MYO5A: variants seen among roughly 807,000 people sequenced by gnomAD.
MYO5A encodes the protein unconventional myosin-Va.
A neutral mutation model predicts 249.7 loss-of-function variants in MYO5A; 98 were observed. The observed-to-expected ratio is 0.39, with a 90% CI of 0.33 to 0.46. The LOEUF (loss-of-function observed/expected upper bound fraction) is 0.46. MYO5A is among the 20% of genes least tolerant of loss of function. The pLI, the probability that MYO5A is intolerant of heterozygous loss-of-function variation, is 0.98. For synonymous variants in MYO5A, 778 were observed against 810.6 expected (o/e 0.96, Z 0.68); for missense variants, 1,696 against 2,308.8 (o/e 0.73, Z 5.44).
At chr15:52,475,594 T>C (rs2076575416) in intron 1 of MYO5A, among the ~76,000 whole-genome samples, 1 of 152,236 alleles carries the variant, frequency 6.6e-6, no homozygotes, top group African/African-American at 2.4e-5. Context: ...TGTGTCTTTG[T>C]TCTCATTGGT....
intron 9 of MYO5A, among the ~76,000 whole-genome samples, chr15:52,398,572 T>C (rs1449246201): frequency 6.6e-6 from 1 of 152,204 alleles, no homozygotes; most frequent in Non-Finnish European, 1.5e-5. Context: ...CAAGCACCCC[T>C]TCCTTCTTTC....
chr15:52,410,632 G>A (rs1165412158), intron 5 of MYO5A, among the ~76,000 whole-genome samples, 156 bp from the exon 6 acceptor site: 1 of 149,026 alleles, frequency 6.7e-6, no homozygotes, highest in Non-Finnish European at 1.5e-5. Context: ...CTGTCACTAG[G>A]CTGGAGTGCA....
intron 1 of MYO5A, among the ~76,000 whole-genome samples, chr15:52,473,870 T>C (rs1751862227): frequency 6.6e-6 from 1 of 152,218 alleles, no homozygotes; most frequent in Admixed American, 6.5e-5. Context: ...GTCTTGGCAA[T>C]GTGGGCTCTT....
chr15:52,409,366 A>G (rs1219864536), intron 6 of MYO5A, among the ~76,000 whole-genome samples: 8 of 152,282 alleles, frequency 5.3e-5, no homozygotes, highest in African/African-American at 1.9e-4. Context: ...AAAAAAACCT[A>G]TAGAAATAGC....
intron 25 of MYO5A, among the ~76,000 whole-genome samples, chr15:52,357,623 G>T (rs775020921): frequency 6.6e-6 from 1 of 152,102 alleles, no homozygotes; most frequent in East Asian, 1.9e-4. Flanking sequence ...AAAATGACTC[G>T]AGGCATAAAG....
chr15:52,482,287 T>C (rs890880252), intron 1 of MYO5A, among the ~76,000 whole-genome samples: 4 of 152,214 alleles, frequency 2.6e-5, no homozygotes, highest in Non-Finnish European at 5.9e-5. Context: ...ACCTTCTTCA[T>C]GGCATCATGT....
intron 1 of MYO5A, among the ~76,000 whole-genome samples, chr15:52,515,054 G>A (rs982415834): frequency 6.6e-6 from 1 of 152,082 alleles, no homozygotes; most frequent in Non-Finnish European, 1.5e-5. Flanking sequence ...AGGGTGGGAG[G>A]ATCACTTGAG....
At chr15:52,505,296 A>C (rs1313343507) in intron 1 of MYO5A, 6 of 776,820 alleles carry the variant, frequency 7.7e-6, no homozygotes, top group Non-Finnish European at 1.4e-5. Context: ...CAGATGTGGC[A>C]GTATTTGAAG....
intron 1 of MYO5A, among the ~76,000 whole-genome samples, chr15:52,449,636 T>C (rs774232688): frequency 6.6e-6 from 1 of 152,202 alleles, no homozygotes; most frequent in Admixed American, 6.5e-5. Flanking sequence ...ACCTTCTCTA[T>C]CCTATCTGTA....
chr15:52,474,443 G>C (rs2076545962), intron 1 of MYO5A, among the ~76,000 whole-genome samples: 1 of 152,162 alleles, frequency 6.6e-6, no homozygotes, highest in African/African-American at 2.4e-5. Context: ...GGAGTGGTGA[G>C]AGAGGGCATC....
chr15:52,405,249 T>C, intron 9 of MYO5A, 38 bp downstream of exon 9: 1 of 1,420,936 alleles, frequency 7.0e-7, no homozygotes, highest in East Asian at 2.3e-5. Flanking sequence ...TAAAACATAA[T>C]TCAACTGCCA....
intron 1 of MYO5A, among the ~76,000 whole-genome samples, chr15:52,501,184 G>A (rs1306401967): frequency 6.6e-6 from 1 of 152,022 alleles, no homozygotes; most frequent in Admixed American, 6.5e-5. Context: ...TGTTAGCCAG[G>A]ATGGTCTCCA....
intron 1 of MYO5A, among the ~76,000 whole-genome samples, chr15:52,517,877 G>T (rs2077526566): frequency 6.6e-6 from 1 of 151,562 alleles, no homozygotes; most frequent in Non-Finnish European, 1.5e-5. Flanking sequence ...TTTCTAGGTG[G>T]TATAATTAGT....
chr15:52,456,303 G>C (rs181154222), intron 1 of MYO5A, among the ~76,000 whole-genome samples: 2 of 152,032 alleles, frequency 1.3e-5, no homozygotes, highest in African/African-American at 4.8e-5. Flanking sequence ...ACTGATGAAA[G>C]AAATTAAAGA....
At position 52,392,014 on chromosome 15, in the gene MYO5A, G is replaced by A. The variant is rs1265524213; in HGVS notation, c.1458C>T (p.Leu486=). ...AAGGCTGATTATCATAAAAATCTATGAGTGTCCATGGAATTTGTTCCTTCA... is the reference window on the plus strand; with the variant it reads ...AAGGCTGATTATCATAAAAATCTATAAGTGTCCATGGAATTTGTTCCTTCA... The part of the protein sequence containing the change: ...EYMKEQIPWT[L]IDFYDNQPCI... The change falls in exon 12 of 42, where the codon CTC becomes CTT. Residue 486 remains leucine, a synonymous_variant. Transcript: ENST00000399233. 1 of 1,611,246 alleles carries A rather than the reference G, an allele frequency of 6.2e-7. No individual in the cohort carries two copies. Among genetic ancestry groups the A allele is most frequent in the Non-Finnish European group, 8.5e-7 (1 of 1,178,016 alleles).
rs781651583 is a variant in MYO5A, at chr15:52,379,702, G to A, written c.2131C>T (p.Arg711Cys). The change falls in exon 18 of 42, where the codon CGT becomes TGT. Residue 711 changes from arginine to cysteine, a missense_variant. Arg to Cys is a radical substitution (Grantham distance 180). Coordinates refer to ENST00000399233, the MANE Select transcript of MYO5A (RefSeq NM_001382347.1). ...ACATCTTTCTGCTTCATTAGGACAC[G>A]GTAGCGGCTGAAAAATTCTTGGTAA... ...WTYQEFFSRY[R>C]VLMKQKDVLS... 7 of 1,614,112 alleles carry A rather than the reference G, an allele frequency of 4.3e-6. No homozygotes were observed. The highest frequency in any genetic ancestry group is 1.1e-5 in the South Asian group (1 of 91,078).
chr15:52,481,458 G>C (rs1025653474), intron 1 of MYO5A, among the ~76,000 whole-genome samples: 1 of 152,156 alleles, frequency 6.6e-6, no homozygotes, highest in Non-Finnish European at 1.5e-5. Flanking sequence ...TTCCCTCAAA[G>C]TTCTGCTGAT....
chr15:52,402,865 AC>A (rs2042825006), intron 9 of MYO5A, among the ~76,000 whole-genome samples: 1 of 152,074 alleles, frequency 6.6e-6, no homozygotes, highest in African/African-American at 2.4e-5. Flanking sequence ...AAACAAAAAA[AC>A]AAAAAACAAA....
chr15:52,382,339 G>A (rs937674216), intron 16 of MYO5A, among the ~76,000 whole-genome samples: 4 of 152,180 alleles, frequency 2.6e-5, no homozygotes, highest in Admixed American at 6.5e-5. Context: ...CTGGGAGGCC[G>A]AGTGGGGACG....
Sources: allele counts gnomAD v4.1 joint callset (sites outside exome capture counted in the v4.1 genomes callset), GRCh38; gene constraint gnomAD v4.1.1; transcripts MANE v1.5; gene names NCBI Gene and HGNC (gene_info 2026-07-23, HGNC 2026-07-21).